Variants in MYO1D observed in about 807,000 individuals in gnomAD.
MYO1D encodes unconventional myosin-Id.
A neutral mutation model predicts 122.0 loss-of-function variants in MYO1D; 83 were observed. That is an observed-to-expected ratio of 0.68 (90% confidence interval 0.57 to 0.82). The LOEUF is 0.82. Ranked by LOEUF, MYO1D falls within the 40% of genes least tolerant of loss-of-function variation. MYO1D has a pLI of 0.00. For synonymous variants in MYO1D, 464 were observed against 446.9 expected, an observed-to-expected ratio of 1.04 and a Z score of -0.48; for missense variants, 1,157 against 1,269.5, an observed-to-expected ratio of 0.91 and a Z score of 1.35.
intron 1 of MYO1D, among the ~76,000 whole-genome samples, chr17:32,782,661 C>T (rs544415149): frequency 3.9e-5 from 6 of 152,204 alleles, no homozygotes; most frequent in Non-Finnish European, 5.9e-5. Flanking sequence ...TCTGGCCAGA[C>T]GCAGTGGCTC....
chr17:32,742,542 C>T (rs2089784362), intron 13 of MYO1D, among the ~76,000 whole-genome samples: 1 of 152,210 alleles, frequency 6.6e-6, no homozygotes, highest in African/African-American at 2.4e-5. Context: ...GCAACACACC[C>T]TGATGGTACT....
At chr17:32,673,786 T>C (rs1429965883) in intron 16 of MYO1D, among the ~76,000 whole-genome samples, 1 of 152,234 alleles carries the variant, frequency 6.6e-6, no homozygotes, top group Non-Finnish European at 1.5e-5. Flanking sequence ...ACACATTAGA[T>C]GCTCATCGAT....
chr17:32,629,196 T>C (rs916045528), intron 20 of MYO1D, among the ~76,000 whole-genome samples: 5 of 152,154 alleles, frequency 3.3e-5, no homozygotes, highest in African/African-American at 1.2e-4. Flanking sequence ...AGTAAAATGA[T>C]AGTGGTTCCC....
intron 21 of MYO1D, among the ~76,000 whole-genome samples, chr17:32,530,980 T>C (rs989267048): frequency 6.6e-6 from 1 of 151,934 alleles, no homozygotes; most frequent in African/African-American, 2.4e-5. Flanking sequence ...CTCCCTTCTT[T>C]TAGTTCTCTG....
At chr17:32,565,723 A>T (rs1467288658) in intron 21 of MYO1D, among the ~76,000 whole-genome samples, 1 of 127,136 alleles carries the variant, frequency 7.9e-6, no homozygotes, top group Non-Finnish European at 1.8e-5. Flanking sequence ...CCTGTTTCAG[A>T]GTGTGTGTGT....
Position 32,745,283 on chromosome 17 carries a change from T to G in MYO1D, c.1541A>C (p.Tyr514Ser), listed in dbSNP as rs761580779. The change falls in exon 13 of 22, where the codon TAT becomes TCT. Residue 514 changes from tyrosine to serine, a missense_variant and splice_region_variant. By Grantham distance (144) the Tyr-to-Ser change is moderately radical. Coordinates refer to ENST00000318217, the MANE Select transcript of MYO1D (RefSeq NM_015194.3). The part of the protein sequence containing the change: ...RIRHYAGDVV[Y>S]SVIGFIDKNK... ...TTTGTCAATAAAACCAATGACAGAA[T>G]AGCTAACAGGGAAAAATCACAGAAA... is the stretch of plus-strand genomic sequence containing the variant. 1.9e-6 allele frequency: 3 copies of G among 1,539,706 alleles called. No individual in the cohort carries two copies. Among genetic ancestry groups the G allele is most frequent in the Non-Finnish European group, 2.7e-6 (3 of 1,122,672 alleles).
chr17:32,711,842 G>A (rs2089380569), intron 16 of MYO1D, 146 bp downstream of exon 16: 2 of 667,710 alleles, frequency 3.0e-6, no homozygotes, highest in African/African-American at 3.7e-5. Flanking sequence ...TTCCATGTGT[G>A]AAGGCAACAG....
In MYO1D at chr17:32,737,524, C is replaced by A. The variant is rs574539237; in HGVS notation, c.1746+729G>T. ...CACAGGCATGTGCCACCATGCCTGGCTAATTTTGTAACTTTTTGTAGAGGA... is the reference window on the plus strand; with the variant it reads ...CACAGGCATGTGCCACCATGCCTGGATAATTTTGTAACTTTTTGTAGAGGA... On this transcript the variant is annotated intron_variant, in intron 14 of 21. Coordinates refer to ENST00000318217, the MANE Select transcript of MYO1D (RefSeq NM_015194.3). Among the ~76,000 whole-genome samples the A allele has an allele frequency of 2.5e-4, 38 of 152,218 alleles. No homozygotes were observed. The South Asian group carries it at 6.2e-3, about 25-fold the overall frequency.
chr17:32,648,892 T>A (rs956358033), intron 19 of MYO1D, among the ~76,000 whole-genome samples: 1 of 151,856 alleles, frequency 6.6e-6, no homozygotes, highest in Non-Finnish European at 1.5e-5. Context: ...TGCATTGAGA[T>A]TTTTTTTTAT....
intron 16 of MYO1D, among the ~76,000 whole-genome samples, chr17:32,690,551 T>G (rs1446633079): frequency 6.6e-6 from 1 of 152,218 alleles, no homozygotes; most frequent in Non-Finnish European, 1.5e-5. Flanking sequence ...AGTTGAAATT[T>G]AATCCCCAGT....
intron 21 of MYO1D, among the ~76,000 whole-genome samples, chr17:32,542,039 C>T (rs1910851883): frequency 6.6e-6 from 1 of 152,156 alleles, no homozygotes; most frequent in East Asian, 1.9e-4. Context: ...ACTGTCCTTC[C>T]CTCTCCACCA....
intron 14 of MYO1D, among the ~76,000 whole-genome samples, chr17:32,736,491 G>C (rs1263857910): frequency 6.6e-6 from 1 of 152,076 alleles, no homozygotes; most frequent in Non-Finnish European, 1.5e-5. Context: ...AAGAACTTGG[G>C]TCTCTAATAA....
intron 17 of MYO1D, among the ~76,000 whole-genome samples, chr17:32,656,706 A>G (rs2088481221): frequency 6.6e-6 from 1 of 152,246 alleles, no homozygotes; most frequent in African/African-American, 2.4e-5. Context: ...TCCTAAGATC[A>G]TTCCAGAAGA....
intron 21 of MYO1D, among the ~76,000 whole-genome samples, chr17:32,511,008 C>T (rs1209502257): frequency 6.6e-6 from 1 of 151,696 alleles, no homozygotes; most frequent in Non-Finnish European, 1.5e-5. Flanking sequence ...ACCAAAGCCC[C>T]ATCACAAAAC....
intron 21 of MYO1D, chr17:32,602,846 A>C (rs1455961955): frequency 6.6e-6 from 1 of 152,266 alleles, no homozygotes; most frequent in Non-Finnish European, 1.5e-5. Context: ...ATGCTTATAA[A>C]ATACAATGTG....
chr17:32,718,128 C>A (rs964532139), intron 15 of MYO1D, among the ~76,000 whole-genome samples: 8 of 152,226 alleles, frequency 5.3e-5, no homozygotes, highest in African/African-American at 1.9e-4. Flanking sequence ...TTTTAAAAAA[C>A]ATTTTAAAAA....
chr17:32,695,263 T>A (rs919999069), intron 16 of MYO1D, among the ~76,000 whole-genome samples: 1 of 152,222 alleles, frequency 6.6e-6, no homozygotes, highest in African/African-American at 2.4e-5. Context: ...CAGTTCACCA[T>A]AGGCTTCATG....
chr17:32,849,331 C>T (rs1233915564), intron 1 of MYO1D, among the ~76,000 whole-genome samples: 2 of 148,508 alleles, frequency 1.3e-5, no homozygotes, highest in African/African-American at 2.6e-5. Context: ...ACCCAAAGGA[C>T]TATAAATCAT....
At chr17:32,869,152 G>C (rs570502420) in intron 1 of MYO1D, among the ~76,000 whole-genome samples, 1 of 152,084 alleles carries the variant, frequency 6.6e-6, no homozygotes, top group Admixed American at 6.5e-5. Context: ...CTGGGATGCA[G>C]AGGATGCAGT....
Sources: allele counts gnomAD v4.1 joint callset (sites outside exome capture counted in the v4.1 genomes callset), GRCh38; gene constraint gnomAD v4.1.1; transcripts MANE v1.5; gene names NCBI Gene and HGNC (gene_info 2026-07-23, HGNC 2026-07-21).